STK24: variants seen among roughly 807,000 people sequenced by gnomAD.
The protein encoded by STK24 is serine/threonine kinase 24.
A neutral mutation model predicts 55.6 loss-of-function variants in STK24; 21 were observed. The ratio of observed to expected loss-of-function variants is 0.38; its 90% CI spans 0.27 to 0.54. The LOEUF (loss-of-function observed/expected upper bound fraction) is 0.54, where lower values mean the gene tolerates loss of function less well. Among genes scored for constraint, STK24 ranks in the 20% least tolerant of loss-of-function variants. The pLI is 0.79. For missense variants in STK24, 383 were observed against 538.4 expected, an observed-to-expected ratio of 0.71 and a Z score of 2.86; for synonymous variants, 200 against 215.2, an observed-to-expected ratio of 0.93 and a Z score of 0.62.
chr13:98,511,945 G>A (rs530760956), intron 2 of STK24, among the ~76,000 whole-genome samples: 1 of 145,700 alleles, frequency 6.9e-6, no homozygotes, highest in Non-Finnish European at 1.5e-5. Flanking sequence ...GTGTCACCCA[G>A]GCTGGAGTGC....
In STK24 at chr13:98,450,461, G is replaced by C. The variant is rs1298496722; in HGVS notation, c.*2712C>G. The C allele has an allele frequency of 6.6e-6, 1 of 152,274 alleles. No homozygotes were observed. The highest frequency in any genetic ancestry group is 1.5e-5 in the Non-Finnish European group (1 of 68,074). The allele number at this position is 152,274 out of a possible 1,614,324, so 9.4% of individuals were successfully genotyped here. On this transcript the variant is annotated 3_prime_UTR_variant, in exon 11 of 11. Transcript: ENST00000539966. ...AAACTATTGGATAAGGAAGGCAGAT[G>C]CACTTCCAAGAAAATCAGAACCCAG...
Position 98,448,592 on chromosome 13 carries a change from A to ATCT in STK24, c.*4578_*4580dup. ...TGTCATTACGAGAGTGCCAAATGACATCTTCCCTCCACCCTGCCCCTGAAA... is the reference window on the plus strand; with the variant it reads ...TGTCATTACGAGAGTGCCAAATGACATCTTCTTCCCTCCACCCTGCCCCTGAAA... On this transcript the variant is annotated 3_prime_UTR_variant, in exon 11 of 11. Transcript: ENST00000539966. 2.5e-6 allele frequency: 1 copy of ATCT among 406,200 alleles called. No homozygotes were observed. The highest frequency in any genetic ancestry group is 3.1e-5 in the South Asian group (1 of 32,234). 25.2% of individuals were successfully genotyped at this position (406,200 alleles called of 1,614,324 possible).
At chr13:98,557,170 A>C (rs986819789) in intron 1 of STK24, among the ~76,000 whole-genome samples, 2 of 152,180 alleles carry the variant, frequency 1.3e-5, no homozygotes, top group African/African-American at 4.8e-5. Context: ...CTCCCTCTTC[A>C]ATCACCCTCT....
At chr13:98,576,086 T>A (rs578101396) in intron 1 of STK24, 1 of 984,636 alleles carries the variant, frequency 1.0e-6, no homozygotes, top group Admixed American at 6.2e-5. Flanking sequence ...CCCGGGACCC[T>A]GGTGCGCGGC....
At chr13:98,532,400 T>TCCACCAAAGACCCATCCCACAC (rs1325999948) in intron 1 of STK24, among the ~76,000 whole-genome samples, 1 of 151,204 alleles carries the variant, frequency 6.6e-6, no homozygotes, top group Non-Finnish European at 1.5e-5. Context: ...CCATCCCACA[T>TCCACCAAAGACCCATCCCACAC]CCACCAAAGA....
In STK24 at chr13:98,464,486, GTTGT is replaced by G. The variant is rs565568529; in HGVS notation, c.784-654_784-651del. Among the ~76,000 whole-genome samples, 823 of 139,546 alleles carry G rather than the reference GTTGT, an allele frequency of 5.9e-3. 8 individuals carry two copies. The highest frequency in any genetic ancestry group is 0.02 in the African/African-American group (752 of 38,164). The allele number at this position is 139,546 out of a possible 152,430, so 91.5% of individuals were successfully genotyped here. A position where few individuals can be genotyped will look rare whatever the true frequency, so the allele number is the denominator to read the frequency against. ...AATGCTGACAAAATATATGTTCTGT[GTTGT>G]TTAACTTTTTTTTTTTTTTTTTTTT... is the stretch of plus-strand genomic sequence containing the variant. On this transcript the variant is annotated intron_variant, in intron 6 of 10. Coordinates refer to ENST00000539966, the MANE Select transcript of STK24 (RefSeq NM_001032296.4).
chr13:98,469,263 T>C (rs1191681379), intron 5 of STK24, among the ~76,000 whole-genome samples: 4 of 152,024 alleles, frequency 2.6e-5, no homozygotes, highest in Non-Finnish European at 5.9e-5. Flanking sequence ...AGAACAAACA[T>C]GGGGGCCAGG....
rs17655297 is a variant in STK24, at chr13:98,557,683, T to C, written c.42+19062A>G. Among the ~76,000 whole-genome samples, 22 of 152,350 alleles carry C rather than the reference T, an allele frequency of 1.4e-4. No individual in the cohort carries two copies. In the East Asian group the frequency reaches 4.0e-3, roughly 28 times the overall value. On this transcript the variant is annotated intron_variant, in intron 1 of 10. Coordinates refer to ENST00000539966, the MANE Select transcript of STK24 (RefSeq NM_001032296.4). ...TTCCCAGAAATGTCACATCACCTAA[T>C]AGGCTAAAGCCCAAACCACTCAGCA...
chr13:98,521,926 G>C, intron 1 of STK24: 1 of 1,119,154 alleles, frequency 8.9e-7, no homozygotes, highest in Non-Finnish European at 1.4e-6. Context: ...CCTCTCTGCT[G>C]GCTCTCTGCC....
intron 6 of STK24, among the ~76,000 whole-genome samples, chr13:98,466,058 A>G (rs1254314132): frequency 6.6e-6 from 1 of 152,250 alleles, no homozygotes; most frequent in Non-Finnish European, 1.5e-5. Context: ...TATTAAAAAC[A>G]GTGTAACAGT....
chr13:98,448,174 C>T lies in STK24; in HGVS notation c.*4999G>A. 7.2e-7 allele frequency: 1 copy of T among 1,392,238 alleles called. No homozygotes were observed. The allele number at this position is 1,392,238 out of a possible 1,614,324, so 86.2% of individuals were successfully genotyped here. ...ACCTTGTGTTTCTGTAAGCGATGCC[C>T]ACCAAAGTGTCAGGAGTCCGTCCAA... On this transcript the variant is annotated 3_prime_UTR_variant, in exon 11 of 11. Transcript: ENST00000539966.
chr13:98,519,507 A>T (rs762750952), intron 1 of STK24, 34 bp from the exon 2 acceptor site: 6 of 1,532,434 alleles, frequency 3.9e-6, no homozygotes, highest in Non-Finnish European at 5.4e-6. Context: ...GGGAAACTTT[A>T]GTCCCTCATA....
rs1895731669 is a variant in STK24 at position 98,507,463 on chromosome 13, AT to A, written c.273+11779del. Among the ~76,000 whole-genome samples the A allele has an allele frequency of 4.6e-5, 7 of 152,312 alleles. No individual in the cohort carries two copies. The South Asian group carries it at 1.5e-3, about 32-fold the overall frequency. On this transcript the variant is annotated intron_variant, in intron 2 of 10. Transcript: ENST00000539966. ...AGTGTTGATAGTAGAAGAAAAGGAA[AT>A]CACTCAGCTTCTCTGGGCCATGGTT... is the stretch of plus-strand genomic sequence containing the variant.
chr13:98,466,601 AT>A (rs756106657), intron 5 of STK24, 40 bp from the exon 6 acceptor site: 1 of 1,603,388 alleles, frequency 6.2e-7, no homozygotes, highest in Non-Finnish European at 8.5e-7. Context: ...CCAAGCAGGA[AT>A]CTATTCCAAT....
rs965808589 is a variant in STK24 at position 98,503,514 on chromosome 13, TCACA to T, written c.273+15725_273+15728del. On this transcript the variant is annotated intron_variant, in intron 2 of 10. Coordinates refer to ENST00000539966, the MANE Select transcript of STK24 (RefSeq NM_001032296.4). ...TCACATTAAAGTGGCTGCTGCTCAT[TCACA>T]CAGTCTCCAAAAGAAAGGGCAAGGG... is the stretch of plus-strand genomic sequence containing the variant. Among the ~76,000 whole-genome samples, 4 of 152,214 alleles carry T rather than the reference TCACA, an allele frequency of 2.6e-5. No homozygotes were observed. The South Asian group carries it at 8.3e-4, about 32-fold the overall frequency.
chr13:98,529,330 T>C (rs528913448), intron 1 of STK24, among the ~76,000 whole-genome samples: 56 of 152,128 alleles, frequency 3.7e-4, no homozygotes, highest in Non-Finnish European at 6.8e-4. Context: ...TCCAGGTCAC[T>C]GCCTGGCCCT....
intron 2 of STK24, among the ~76,000 whole-genome samples, chr13:98,491,784 T>C (rs189744673): frequency 6.6e-6 from 1 of 150,426 alleles, no homozygotes; most frequent in Non-Finnish European, 1.5e-5. Context: ...TAATCAAAAA[T>C]ATTGGGATGA....
At position 98,461,903 on chromosome 13, in the gene STK24, C is replaced by T. The variant is rs201255218; in HGVS notation, c.930-6G>A. On this transcript the variant is annotated splice_polypyrimidine_tract_variant and splice_region_variant and intron_variant, in intron 7 of 10. Transcript: ENST00000539966. Reference sequence around the variant, plus strand: ...AGGCTTGGCCATCTGTTTCCCTTAACACAGAAATGCAGGAAATCCCATCAG... The same window carrying T: ...AGGCTTGGCCATCTGTTTCCCTTAATACAGAAATGCAGGAAATCCCATCAG... 13 of 1,613,582 alleles carry T rather than the reference C, an allele frequency of 8.1e-6. No homozygotes were observed. In the East Asian group the frequency reaches 2.2e-4, roughly 28 times the overall value.
At chr13:98,565,161 T>C (rs1199055143) in intron 1 of STK24, among the ~76,000 whole-genome samples, 2 of 152,098 alleles carry the variant, frequency 1.3e-5, no homozygotes, top group Non-Finnish European at 1.5e-5. Context: ...CTTTTTTGAT[T>C]CTCCAGCGCA....
Sources: gnomAD v4.1 joint callset for allele counts (sites outside exome capture counted in the v4.1 genomes callset) on GRCh38, gnomAD v4.1.1 for gene constraint, MANE v1.5 for transcripts, NCBI Gene and HGNC (gene_info 2026-07-23, HGNC 2026-07-21) for gene names.